Variants in TXNDC5 observed in about 807,000 individuals in gnomAD.
TXNDC5 encodes the protein thioredoxin domain containing 5.
A neutral mutation model predicts 52.6 loss-of-function variants in TXNDC5; 44 were observed. The observed-to-expected ratio is 0.84, with a 90% CI of 0.66 to 1.08. The LOEUF (loss-of-function observed/expected upper bound fraction) is 1.08. TXNDC5 is among the 50% of genes least tolerant of loss of function. The probability of loss-of-function intolerance (pLI) is 0.00; values close to 1 mark genes in which losing one functional copy is unlikely to be tolerated. For missense variants in TXNDC5, 600 were observed against 565.5 expected, an observed-to-expected ratio of 1.06 and a Z score of -0.62; for synonymous variants, 241 against 234.4, an observed-to-expected ratio of 1.03 and a Z score of -0.26.
At chr6:7,889,816 G>A (rs1288646833) in intron 5 of TXNDC5, among the ~76,000 whole-genome samples, 2 of 152,196 alleles carry the variant, frequency 1.3e-5, no homozygotes, top group Non-Finnish European at 2.9e-5. Flanking sequence ...TGTATTAATA[G>A]CTCAGTTAAA....
rs534994103 is a variant in TXNDC5 at position 7,910,055 on chromosome 6, G to A, written c.263+459C>T. The A allele has an allele frequency of 1.3e-5, 13 of 986,174 alleles. 2 individuals carry two copies. In the African/African-American group the frequency reaches 1.7e-4, roughly 13 times the overall value. The allele number at this position is 986,174 out of a possible 1,614,324, so 61.1% of individuals were successfully genotyped here. A position where few individuals can be genotyped will look rare whatever the true frequency, so the allele number is the denominator to read the frequency against. On this transcript the variant is annotated intron_variant, in intron 1 of 9. Coordinates refer to ENST00000379757, the MANE Select transcript of TXNDC5 (RefSeq NM_030810.5). ...CCCCACCTTCCCCTCCCTCGGTGCC[G>A]AGGTGCAAGAGGCGGTTGAATTCAG...
At chr6:7,889,246 T>C (rs1186691080) in intron 6 of TXNDC5, 1 of 497,940 alleles carries the variant, frequency 2.0e-6, no homozygotes, top group Non-Finnish European at 3.6e-6. Flanking sequence ...AGAGCACAGT[T>C]ACCCTGTGAC....
intron 5 of TXNDC5, among the ~76,000 whole-genome samples, chr6:7,890,430 C>T (rs1196092155): frequency 6.6e-6 from 1 of 152,166 alleles, no homozygotes; most frequent in African/African-American, 2.4e-5. Context: ...TGTAACCCAG[C>T]CACATGTGCC....
rs1392752046 is a variant in TXNDC5 at position 7,886,066 on chromosome 6, A to G, written c.964-23T>C. On this transcript the variant is annotated intron_variant, in intron 7 of 9. Transcript: ENST00000379757. ...GCCCTTCAAGGGAGGAAAAAGCCAC[A>G]GTTCAAGTACATCCCTTAAAGTTGA... 4.4e-6 allele frequency: 7 copies of G among 1,608,022 alleles called. No individual in the cohort carries two copies. In the South Asian group the frequency reaches 7.7e-5, roughly 18 times the overall value.
chr6:7,906,563 A>AC (rs1760743621), intron 1 of TXNDC5, among the ~76,000 whole-genome samples: 1 of 150,234 alleles, frequency 6.7e-6, no homozygotes, highest in East Asian at 2.0e-4. Flanking sequence ...AAAAAGAAAA[A>AC]CAGACTTAAA....
chr6:7,884,910 C>A (rs909680087), intron 8 of TXNDC5, among the ~76,000 whole-genome samples: 2 of 152,118 alleles, frequency 1.3e-5, no homozygotes, highest in Non-Finnish European at 2.9e-5. Context: ...ATTTCAAAAC[C>A]ATTTTAAGGC....
At chr6:7,907,725 A>G (rs938591529) in intron 1 of TXNDC5, among the ~76,000 whole-genome samples, 1 of 152,158 alleles carries the variant, frequency 6.6e-6, no homozygotes, top group Non-Finnish European at 1.5e-5. Context: ...CCTCTCCTGC[A>G]TAGACCCCTC....
chr6:7,887,098 C>G (rs192314810), intron 7 of TXNDC5, among the ~76,000 whole-genome samples: 1 of 144,166 alleles, frequency 6.9e-6, no homozygotes, highest in Non-Finnish European at 1.5e-5. Flanking sequence ...CTTCTTCAAC[C>G]AAAACGTCAA....
intron 3 of TXNDC5, among the ~76,000 whole-genome samples, chr6:7,896,481 G>C (rs1760373038): frequency 6.6e-6 from 1 of 152,098 alleles, no homozygotes; most frequent in African/African-American, 2.4e-5. Flanking sequence ...TTTATCTGGG[G>C]GTTCATATTC....
rs146640443 is a variant in TXNDC5 at position 7,885,285 on chromosome 6, T to C, written c.1046+676A>G. The stretch of plus-strand genomic sequence containing the variant: ...TGTCCTAACACTCTGCTTTTCCAAA[T>C]GGATTGTTTTATTTGTGAAGACAAA... On this transcript the variant is annotated intron_variant, in intron 8 of 9. Transcript: ENST00000379757. Among the ~76,000 whole-genome samples, 914 of 152,350 alleles carry C rather than the reference T, an allele frequency of 6.0e-3. 13 individuals carry two copies. The highest frequency in any genetic ancestry group is 0.02 in the African/African-American group (816 of 41,576).
rs771238033 is a variant in TXNDC5, at chr6:7,885,992, C to T, written c.1015G>A (p.Gly339Arg). 1.2e-6 allele frequency: 2 copies of T among 1,613,988 alleles called. No homozygotes were observed. The highest frequency in any genetic ancestry group is 4.5e-5 in the East Asian group (2 of 44,894). Reference protein sequence around the residue: ...ENNFDDTIAEGITFIKFYAPW... With the variant: ...ENNFDDTIAERITFIKFYAPW... ...GCATAAAACTTGATGAAGGTTATTC[C>T]TTCTGCAATGGTGTCATCGAAGTTA... The change falls in exon 8 of 10, where the codon GGA becomes AGA. Residue 339 changes from glycine (G) to arginine (R), a missense_variant. Physicochemically the swap from Gly to Arg is moderately radical, Grantham distance 125. Transcript: ENST00000379757.
At chr6:7,910,201 C>A in intron 1 of TXNDC5, 1 of 965,420 alleles carries the variant, frequency 1.0e-6, no homozygotes, top group Non-Finnish European at 1.2e-6. Flanking sequence ...GAGCTCACGC[C>A]TCCCGACCCG....
At position 7,883,106 on chromosome 6, in the gene TXNDC5, C is replaced by G; in HGVS notation, c.*38G>C. On this transcript the variant is annotated 3_prime_UTR_variant, in exon 10 of 10. Transcript: ENST00000379757. ...GGACTGAACTCCTAAACGCAGGGTG[C>G]GGGAGCTGGGCAGGAGAGGTGACCT... is the stretch of plus-strand genomic sequence containing the variant. 6.8e-6 allele frequency: 11 copies of G among 1,613,044 alleles called. No individual in the cohort carries two copies. The highest frequency in any genetic ancestry group is 9.3e-6 in the Non-Finnish European group (11 of 1,179,546).
At chr6:7,907,177 T>TTTTTTTTTTG (rs1760765377) in intron 1 of TXNDC5, among the ~76,000 whole-genome samples, 1 of 151,778 alleles carries the variant, frequency 6.6e-6, no homozygotes, top group African/African-American at 2.4e-5. Flanking sequence ...TTTTTTTTTT[T>TTTTTTTTTTG]GAGAAAACAC....
intron 4 of TXNDC5, among the ~76,000 whole-genome samples, chr6:7,894,208 T>C (rs1760292673): frequency 1.3e-5 from 2 of 151,996 alleles, no homozygotes; most frequent in Non-Finnish European, 2.9e-5. Flanking sequence ...AGCCTTGACC[T>C]TCCAGGCTCA....
At chr6:7,902,514 G>A (rs1229434110) in intron 2 of TXNDC5, among the ~76,000 whole-genome samples, 2 of 152,186 alleles carry the variant, frequency 1.3e-5, no homozygotes, top group African/African-American at 4.8e-5. Flanking sequence ...GGCAGGTACA[G>A]TCGTCACCTG....
intron 3 of TXNDC5, among the ~76,000 whole-genome samples, chr6:7,896,129 G>C (rs1760361886): frequency 2.0e-5 from 3 of 152,178 alleles, no homozygotes; most frequent in African/African-American, 7.2e-5. Context: ...AACTGTGGAA[G>C]ACTGATCAGA....
chr6:7,893,806 G>A (rs1360589782), intron 4 of TXNDC5, among the ~76,000 whole-genome samples: 1 of 152,214 alleles, frequency 6.6e-6, no homozygotes, highest in Non-Finnish European at 1.5e-5. Flanking sequence ...CAAGGCCAGA[G>A]GCAATCCAAG....
At chr6:7,888,146 G>GT (rs1760064201) in intron 7 of TXNDC5, among the ~76,000 whole-genome samples, 1 of 152,186 alleles carries the variant, frequency 6.6e-6, no homozygotes, top group African/African-American at 2.4e-5. Flanking sequence ...TCATAAAGCA[G>GT]AACAAATGAA....
Sources: gnomAD v4.1 joint callset for allele counts (sites outside exome capture counted in the v4.1 genomes callset) on GRCh38, gnomAD v4.1.1 for gene constraint, MANE v1.5 for transcripts, NCBI Gene and HGNC (gene_info 2026-07-23, HGNC 2026-07-21) for gene names.